Variants in TEKT5 observed in about 807,000 individuals in gnomAD.
TEKT5 encodes the protein tektin 5, also known as tektin-5.
In TEKT5, 52 loss-of-function variants were observed where a neutral mutation model predicts 48.7. The observed-to-expected ratio is 1.07, with a 90% CI of 0.86 to 1.35. The LOEUF (loss-of-function observed/expected upper bound fraction) is 1.35. Ranked by LOEUF, TEKT5 falls within the 40% of genes most tolerant of loss-of-function variation. TEKT5 has a pLI of 0.00. For missense variants in TEKT5, 831 were observed against 641.6 expected, an observed-to-expected ratio of 1.30 and a Z score of -3.19; for synonymous variants, 318 against 267.6, an observed-to-expected ratio of 1.19 and a Z score of -1.84.
chr16:10,689,989 T>A lies in TEKT5; in HGVS notation c.601A>T (p.Ile201Phe). ...LECLYHREKR[I>F]GIDLVHDNVE... ...TTGTCATGGACCAAATCAATCCCAA[T>A]CCTCTTCTCTCGATGGTACAGACAC... The change falls in exon 2 of 7, where the codon ATT becomes TTT. Residue 201 changes from isoleucine to phenylalanine, a missense_variant. Transcript: ENST00000283025. 1 of 1,613,894 alleles carries A rather than the reference T, an allele frequency of 6.2e-7. No individual in the cohort carries two copies. Among genetic ancestry groups the A allele is most frequent in the Non-Finnish European group, 8.5e-7 (1 of 1,179,956 alleles).
At chr16:10,656,333 T>A (rs1898261877) in intron 5 of TEKT5, among the ~76,000 whole-genome samples, 2 of 152,192 alleles carry the variant, frequency 1.3e-5, no homozygotes, top group Admixed American at 1.3e-4. Flanking sequence ...CTCCCTGCAA[T>A]CTATGCCTCC....
Position 10,653,245 on chromosome 16 carries a change from C to A in TEKT5, c.1087-17327G>T, listed in dbSNP as rs144093389. Among the ~76,000 whole-genome samples, 499 of 152,348 alleles carry A rather than the reference C, an allele frequency of 3.3e-3. 5 individuals are homozygous for A. The highest frequency in any genetic ancestry group is 0.011 in the African/African-American group (477 of 41,572). On this transcript the variant is annotated intron_variant, in intron 5 of 6. Transcript: ENST00000283025. ...GGCAGCCAGCCCTGCCTTCCCCGCC[C>A]AGCCCTGCCTGGGAGCTGGAACTCT...
chr16:10,673,177 G>A (rs1418987009), intron 5 of TEKT5, among the ~76,000 whole-genome samples: 2 of 152,208 alleles, frequency 1.3e-5, no homozygotes, highest in East Asian at 1.9e-4. Flanking sequence ...CCCAGAGATG[G>A]TGAGTGCAAA....
intron 5 of TEKT5, among the ~76,000 whole-genome samples, chr16:10,643,756 C>T (rs751780005): frequency 1.5e-4 from 23 of 152,114 alleles, no homozygotes; most frequent in Admixed American, 3.9e-4. Context: ...ATCAATTTCA[C>T]GCCGGGCGGG....
rs775061601 is a variant in TEKT5, at chr16:10,694,673, C to T, written c.201G>A (p.Glu67=). Residue 67 remains glutamate, a synonymous_variant, in exon 1 of 7, where the codon GAG becomes GAA. Transcript: ENST00000283025. Reference sequence around the variant, plus strand: ...TGGGCGGCCGCAGGGTACTGGTGCTCTCGTCCGGGCAGGTCTGGACGTTGG... The same window carrying T: ...TGGGCGGCCGCAGGGTACTGGTGCTTTCGTCCGGGCAGGTCTGGACGTTGG... ...KIANVQTCPD[E]STSTLRPPTI... is the part of the protein sequence containing the mutation. 3 of 1,613,142 alleles carry T rather than the reference C, an allele frequency of 1.9e-6. No homozygotes were observed. Among genetic ancestry groups the T allele is most frequent in the Non-Finnish European group, 2.5e-6 (3 of 1,179,514 alleles).
chr16:10,637,169 A>G (rs1468389663), intron 5 of TEKT5, among the ~76,000 whole-genome samples: 1 of 151,616 alleles, frequency 6.6e-6, no homozygotes, highest in Non-Finnish European at 1.5e-5. Context: ...TATTTTTAGT[A>G]GAGACGGGGT....
intron 5 of TEKT5, among the ~76,000 whole-genome samples, chr16:10,661,527 C>A (rs947543524): frequency 6.6e-6 from 1 of 152,200 alleles, no homozygotes; most frequent in African/African-American, 2.4e-5. Flanking sequence ...ATCTCTCTGG[C>A]TGCCATTTGG....
chr16:10,690,014 C>T lies in TEKT5; in HGVS notation c.576G>A (p.Glu192=), dbSNP rs753417839. The part of the protein sequence containing the change: ...EVNCPLQVAL[E]CLYHREKRIG... ...TCCTCTTCTCTCGATGGTACAGACA[C>T]TCCAAGGCCACCTGTGGGAAGCAGC... is the stretch of plus-strand genomic sequence containing the variant. Residue 192 remains glutamate (E), a synonymous_variant, in exon 2 of 7, where the codon GAG becomes GAA. Coordinates refer to ENST00000283025, the MANE Select transcript of TEKT5 (RefSeq NM_144674.2). The T allele has an allele frequency of 1.9e-6, 3 of 1,614,126 alleles. No individual in the cohort carries two copies. In the Admixed American group the frequency reaches 5.0e-5, roughly 27 times the overall value.
chr16:10,643,373 C>T (rs1898022791), intron 5 of TEKT5, among the ~76,000 whole-genome samples: 4 of 151,020 alleles, frequency 2.6e-5, no homozygotes, highest in Admixed American at 6.6e-5. Context: ...AGCGAGACTC[C>T]GTCTCTTAAA....
chr16:10,666,243 G>C (rs2142291425), intron 5 of TEKT5, among the ~76,000 whole-genome samples: 1 of 152,158 alleles, frequency 6.6e-6, no homozygotes, highest in South Asian at 2.1e-4. Flanking sequence ...GAGGGCAATT[G>C]GCCTGTTCAG....
chr16:10,646,576 G>A (rs929055558), intron 5 of TEKT5, among the ~76,000 whole-genome samples: 1 of 152,146 alleles, frequency 6.6e-6, no homozygotes. Flanking sequence ...TGGGCACCAA[G>A]AAATTGCTTA....
intron 5 of TEKT5, among the ~76,000 whole-genome samples, chr16:10,650,154 C>A (rs1898131959): frequency 6.6e-6 from 1 of 152,116 alleles, no homozygotes; most frequent in Admixed American, 6.6e-5. Flanking sequence ...TCACTGCAAC[C>A]TCCGCTTCCT....
intron 5 of TEKT5, among the ~76,000 whole-genome samples, chr16:10,654,063 T>A (rs1448590354): frequency 6.6e-6 from 1 of 152,048 alleles, no homozygotes; most frequent in Non-Finnish European, 1.5e-5. Context: ...GTTCTATCAT[T>A]TTTTTGAGAG....
chr16:10,679,367 G>C (rs1032299480), intron 4 of TEKT5, among the ~76,000 whole-genome samples: 1 of 151,146 alleles, frequency 6.6e-6, no homozygotes, highest in African/African-American at 2.4e-5. Context: ...TGAGGCAGGA[G>C]AATCACTTGA....
At chr16:10,684,472 A>G (rs935023995) in intron 3 of TEKT5, among the ~76,000 whole-genome samples, 4 of 150,166 alleles carry the variant, frequency 2.7e-5, no homozygotes, top group African/African-American at 9.8e-5. Context: ...AGGAAGTGAA[A>G]TCCTCACAGT....
rs147595926 is a variant in TEKT5 at position 10,694,285 on chromosome 16, G to A, written c.564+25C>T. ...GCAGTATCCCCAGGACACAGCCACA[G>A]CCCTGTCCCCACCCCTGTACTCACC... is the stretch of plus-strand genomic sequence containing the variant. On this transcript the variant is annotated intron_variant, in intron 1 of 6. Transcript: ENST00000283025. 5.8e-6 allele frequency: 9 copies of A among 1,542,784 alleles called. No individual in the cohort carries two copies. In the African/African-American group the frequency reaches 6.8e-5, roughly 12 times the overall value.
intron 5 of TEKT5, among the ~76,000 whole-genome samples, chr16:10,646,213 C>A (rs1441777381): frequency 1.3e-5 from 2 of 152,038 alleles, no homozygotes; most frequent in Non-Finnish European, 1.5e-5. Context: ...AATCTGGAAA[C>A]CCTACTTATG....
At chr16:10,667,524 T>C (rs780089800) in intron 5 of TEKT5, among the ~76,000 whole-genome samples, 20 of 152,350 alleles carry the variant, frequency 1.3e-4, no homozygotes, top group Middle Eastern at 3.4e-3. Flanking sequence ...TCTGTAAATA[T>C]CATCCGACCA....
intron 5 of TEKT5, among the ~76,000 whole-genome samples, chr16:10,641,943 G>C (rs1200385356): frequency 6.6e-6 from 1 of 152,256 alleles, no homozygotes; most frequent in Non-Finnish European, 1.5e-5. Context: ...CAGTCGCAGA[G>C]AGCGACAAGC....
Sources: gnomAD v4.1 joint callset for allele counts (sites outside exome capture counted in the v4.1 genomes callset) on GRCh38, gnomAD v4.1.1 for gene constraint, MANE v1.5 for transcripts, NCBI Gene and HGNC (gene_info 2026-07-23, HGNC 2026-07-21) for gene names.